The following GOSR1 variants were observed in gnomAD, a reference collection of about 807,000 sequenced individuals.
GOSR1 encodes the protein 28 kDa Golgi SNARE protein.
A neutral mutation model predicts 35.5 loss-of-function variants in GOSR1; 21 were observed. That is an observed-to-expected ratio of 0.59 (90% CI 0.42 to 0.85). The LOEUF (loss-of-function observed/expected upper bound fraction) is 0.85, where lower values mean the gene tolerates loss of function less well. Among genes scored for constraint, GOSR1 ranks in the 40% least tolerant of loss-of-function variants. GOSR1 has a pLI of 0.00. For missense variants in GOSR1, 285 were observed against 309.6 expected (o/e 0.92, Z 0.60); for synonymous variants, 94 against 106.6 (o/e 0.88, Z 0.73).
Position 30,522,515 on chromosome 17 carries a change from CT to C in GOSR1, c.*138del. 1 of 563,172 alleles carries C rather than the reference CT, an allele frequency of 1.8e-6. No homozygotes were observed. The highest frequency in any genetic ancestry group is 1.9e-5 in the African/African-American group (1 of 52,090). 34.9% of individuals were successfully genotyped at this position (563,172 alleles called of 1,614,324 possible). ...TGAATGCAAGACTGACAGTGATGGACTCTGTGACATGGTCAGGTTGAGCTGA... is the reference window on the plus strand; with the variant it reads ...TGAATGCAAGACTGACAGTGATGGACCTGTGACATGGTCAGGTTGAGCTGA... On this transcript the variant is annotated 3_prime_UTR_variant, in exon 9 of 9. Transcript: ENST00000451249.
In GOSR1 at chr17:30,525,158, A is replaced by G. The variant is rs1262317250; in HGVS notation, c.*2780A>G. 1.3e-5 allele frequency: 2 copies of G among 152,216 alleles called. No individual in the cohort carries two copies. The highest frequency in any genetic ancestry group is 1.3e-4 in the Admixed American group (2 of 15,284). 9.4% of individuals were successfully genotyped at this position (152,216 alleles called of 1,614,324 possible). A position where few individuals can be genotyped will look rare whatever the true frequency, so the allele number is the denominator to read the frequency against. ...TTGGCTTCAGTCCGAGCCACAGGCA[A>G]TAAAAGGATATCAGCTGTAGTTCTC... On this transcript the variant is annotated 3_prime_UTR_variant, in exon 9 of 9. Transcript: ENST00000451249.
intron 7 of GOSR1, among the ~76,000 whole-genome samples, chr17:30,516,208 C>T (rs1164012148): frequency 2.0e-5 from 3 of 152,126 alleles, no homozygotes; most frequent in Admixed American, 6.5e-5. Flanking sequence ...CGGTGGCTCA[C>T]GCCTGTAATC....
intron 1 of GOSR1, 121 bp downstream of exon 1, chr17:30,477,585 G>C: frequency 7.1e-7 from 1 of 1,409,050 alleles, no homozygotes; most frequent in Non-Finnish European, 9.5e-7. Context: ...GCTGAGCAGC[G>C]GGGCTTGCCT....
At chr17:30,500,724 C>G (rs1280277375) in intron 6 of GOSR1, among the ~76,000 whole-genome samples, 1 of 152,070 alleles carries the variant, frequency 6.6e-6, no homozygotes, top group African/African-American at 2.4e-5. Flanking sequence ...CTATGCACTT[C>G]CATATAAATT....
At chr17:30,503,695 C>G (rs1967296311) in intron 6 of GOSR1, among the ~76,000 whole-genome samples, 1 of 152,148 alleles carries the variant, frequency 6.6e-6, no homozygotes, top group African/African-American at 2.4e-5. Flanking sequence ...GAATCCCTGG[C>G]TTTTCTCTGT....
intron 6 of GOSR1, among the ~76,000 whole-genome samples, chr17:30,504,610 A>T (rs1386668869): frequency 6.6e-6 from 1 of 152,186 alleles, no homozygotes; most frequent in Non-Finnish European, 1.5e-5. Context: ...ATGTGATTTA[A>T]ATTGGTCAAA....
chr17:30,524,363 A>G lies in GOSR1; in HGVS notation c.*1985A>G, dbSNP rs1968146621. On this transcript the variant is annotated 3_prime_UTR_variant, in exon 9 of 9. Coordinates refer to ENST00000451249, the MANE Select transcript of GOSR1 (RefSeq NM_001007025.2). The stretch of plus-strand genomic sequence containing the variant: ...ATTTGGGGAAAATTCTGTTTTTCAT[A>G]GATTCTTTGAGATGCTGATGGACCA... 6.6e-6 allele frequency: 1 copy of G among 152,252 alleles called. No individual in the cohort carries two copies. Among genetic ancestry groups the G allele is most frequent in the Middle Eastern group, 3.4e-3 (1 of 294 alleles). The allele number at this position is 152,252 out of a possible 1,614,324, so 9.4% of individuals were successfully genotyped here. A position where few individuals can be genotyped will look rare whatever the true frequency, so the allele number is the denominator to read the frequency against.
intron 2 of GOSR1, among the ~76,000 whole-genome samples, chr17:30,483,482 T>C (rs1914482810): frequency 6.6e-6 from 1 of 152,240 alleles, no homozygotes; most frequent in African/African-American, 2.4e-5. Flanking sequence ...TTCTTTTTCA[T>C]ATATCTGGTA....
intron 6 of GOSR1, among the ~76,000 whole-genome samples, chr17:30,508,538 A>G (rs1233232057): frequency 6.6e-6 from 1 of 152,184 alleles, no homozygotes; most frequent in Non-Finnish European, 1.5e-5. Flanking sequence ...AGATCTTGGC[A>G]GGTTAGTGCC....
chr17:30,522,339 G>T lies in GOSR1; in HGVS notation c.708G>T (p.Gly236=). 6.2e-7 allele frequency: 1 copy of T among 1,608,568 alleles called. No homozygotes were observed. The highest frequency in any genetic ancestry group is 8.5e-7 in the Non-Finnish European group (1 of 1,177,192). ...RDSLILGGVI[G]ICTILLLLYA... is the part of the protein sequence containing the mutation. ...CGCTCATCCTAGGGGGTGTTATTGG[G>T]ATCTGTACCATCCTGTTGCTGCTGT... Residue 236 remains glycine, a synonymous_variant, in exon 9 of 9, where the codon GGG becomes GGT. Transcript: ENST00000451249.
chr17:30,522,307 C>A lies in GOSR1; in HGVS notation c.676C>A (p.Arg226=). Residue 226 remains arginine, a synonymous_variant, in exon 9 of 9, where the codon CGG becomes AGG. Transcript: ENST00000451249. Reference sequence around the variant, plus strand: ...CCAGAGGATCAACCTGAGGAAGCGGCGGGACTCGCTCATCCTAGGGGGTGT... The same window carrying A: ...CCAGAGGATCAACCTGAGGAAGCGGAGGGACTCGCTCATCCTAGGGGGTGT... The part of the protein sequence containing the change: ...LIQRINLRKR[R]DSLILGGVIG... The A allele has an allele frequency of 1.2e-6, 2 of 1,609,322 alleles. No individual in the cohort carries two copies. The highest frequency in any genetic ancestry group is 1.7e-6 in the Non-Finnish European group (2 of 1,176,908).
At position 30,492,663 on chromosome 17, in the gene GOSR1, T is replaced by C. The variant is rs757583495; in HGVS notation, c.435-16T>C. 2.0e-6 allele frequency: 3 copies of C among 1,484,648 alleles called. No individual in the cohort carries two copies. The highest frequency in any genetic ancestry group is 2.8e-6 in the Non-Finnish European group (3 of 1,067,852). 92.0% of individuals were successfully genotyped at this position (1,484,648 alleles called of 1,614,324 possible). On this transcript the variant is annotated splice_polypyrimidine_tract_variant and intron_variant, in intron 5 of 8. Transcript: ENST00000451249. ...TCTCTGCCAAAAATGTTTTTAAATTTTCTCTTTTGTCCCAGGTCATATAAA... is the reference window on the plus strand; with the variant it reads ...TCTCTGCCAAAAATGTTTTTAAATTCTCTCTTTTGTCCCAGGTCATATAAA...
intron 6 of GOSR1, among the ~76,000 whole-genome samples, chr17:30,509,350 C>T (rs577489175): frequency 1.8e-3 from 276 of 152,280 alleles, no homozygotes; most frequent in Middle Eastern, 0.01. Context: ...ACCTCATGAT[C>T]CACCTGCCTT....
intron 7 of GOSR1, among the ~76,000 whole-genome samples, chr17:30,519,147 C>G (rs1001704439): frequency 7.9e-5 from 12 of 152,178 alleles, no homozygotes; most frequent in African/African-American, 2.4e-4. Context: ...TGTAGCCCCC[C>G]CCTCCTGGGC....
intron 6 of GOSR1, among the ~76,000 whole-genome samples, chr17:30,496,616 C>G (rs1245332195): frequency 1.3e-5 from 2 of 152,194 alleles, no homozygotes; most frequent in African/African-American, 2.4e-5. Context: ...GCCATCCACC[C>G]TTGCATTTCA....
At chr17:30,497,436 CTA>C (rs1483362876) in intron 6 of GOSR1, among the ~76,000 whole-genome samples, 1 of 152,148 alleles carries the variant, frequency 6.6e-6, no homozygotes, top group Non-Finnish European at 1.5e-5. Context: ...GGTGTGGACT[CTA>C]TCTTTTTGGG....
At chr17:30,487,942 A>G (rs1279324328) in intron 4 of GOSR1, among the ~76,000 whole-genome samples, 6 of 150,324 alleles carry the variant, frequency 4.0e-5, no homozygotes, top group Admixed American at 1.3e-4. Flanking sequence ...CGCCCAGCTA[A>G]TTTTTGTATT....
Position 30,481,189 on chromosome 17 carries a change from A to G in GOSR1, c.78A>G (p.Lys26=). The G allele has an allele frequency of 6.3e-7, 1 of 1,596,530 alleles. No individual in the cohort carries two copies. Among genetic ancestry groups the G allele is most frequent in the Non-Finnish European group, 8.6e-7 (1 of 1,163,912 alleles). Residue 26 remains lysine, a synonymous_variant, in exon 2 of 9, where the codon AAA becomes AAG. Coordinates refer to ENST00000451249, the MANE Select transcript of GOSR1 (RefSeq NM_001007025.2). Reference sequence around the variant, plus strand: ...AGCTGGAAAATGAACTTGACCTGAAACTAGTTTCCTTCAGCAAACTATGTA... The same window carrying G: ...AGCTGGAAAATGAACTTGACCTGAAGCTAGTTTCCTTCAGCAAACTATGTA... ...ARQLENELDL[K]LVSFSKLCTS...
chr17:30,511,059 A>G, intron 7 of GOSR1, 150 bp downstream of exon 7: 3 of 492,346 alleles, frequency 6.1e-6, no homozygotes, highest in South Asian at 7.3e-5. Context: ...TGAAATTTTT[A>G]CTATGTCCTT....
Sources: allele counts gnomAD v4.1 joint callset (sites outside exome capture counted in the v4.1 genomes callset), GRCh38; gene constraint gnomAD v4.1.1; transcripts MANE v1.5; gene names NCBI Gene and HGNC (gene_info 2026-07-23, HGNC 2026-07-21).